Variants in KCTD16 observed in about 807,000 individuals in gnomAD.
The protein encoded by KCTD16 is BTB/POZ domain-containing protein KCTD16.
A neutral mutation model predicts 33.2 loss-of-function variants in KCTD16; 13 were observed. The ratio of observed to expected loss-of-function variants is 0.39; its 90% CI spans 0.25 to 0.62. The LOEUF is 0.62. Ranked by LOEUF, KCTD16 falls within the 20% of genes least tolerant of loss-of-function variation. The probability of loss-of-function intolerance (pLI) is 0.50; values close to 1 mark genes in which losing one functional copy is unlikely to be tolerated. For missense variants in KCTD16, 441 were observed against 525.1 expected, an observed-to-expected ratio of 0.84 and a Z score of 1.57; for synonymous variants, 197 against 195.3, an observed-to-expected ratio of 1.01 and a Z score of -0.07.
intron 3 of KCTD16, among the ~76,000 whole-genome samples, chr5:144,262,301 C>T (rs891118264): frequency 1.1e-4 from 17 of 152,174 alleles, no homozygotes; most frequent in Non-Finnish European, 2.2e-4. Context: ...TGGCCAAAGC[C>T]TCATGCACCA....
chr5:144,240,121 C>A (rs1754361014), intron 3 of KCTD16, among the ~76,000 whole-genome samples: 1 of 152,134 alleles, frequency 6.6e-6, no homozygotes, highest in Admixed American at 6.6e-5. Flanking sequence ...AATGTAACAT[C>A]AGACACGTAG....
chr5:144,268,245 A>C lies in KCTD16; in HGVS notation c.832+60699A>C, dbSNP rs575608835. On this transcript the variant is annotated intron_variant, in intron 3 of 3. Transcript: ENST00000512467. Reference sequence around the variant, plus strand: ...AAAATACTCTATCCTCCAAATGTAGATCAGTGCTATGATTGCTGATTCCTG... The same window carrying C: ...AAAATACTCTATCCTCCAAATGTAGCTCAGTGCTATGATTGCTGATTCCTG... Among the ~76,000 whole-genome samples the C allele has an allele frequency of 1.4e-3, 208 of 152,284 alleles. 1 individual carries two copies. Among genetic ancestry groups the C allele is most frequent in the Non-Finnish European group, 2.5e-3 (170 of 68,010 alleles).
chr5:144,267,734 T>C (rs906536154), intron 3 of KCTD16, among the ~76,000 whole-genome samples: 1 of 152,210 alleles, frequency 6.6e-6, no homozygotes, highest in African/African-American at 2.4e-5. Flanking sequence ...GGTACCATTC[T>C]TTCCCTGCAA....
intron 3 of KCTD16, among the ~76,000 whole-genome samples, chr5:144,350,227 T>G (rs996185116): frequency 6.6e-6 from 1 of 152,144 alleles, no homozygotes; most frequent in African/African-American, 2.4e-5. Context: ...TTACCCTACA[T>G]TCTCATGGTA....
At chr5:144,428,775 C>T (rs1317989457) in intron 3 of KCTD16, among the ~76,000 whole-genome samples, 5 of 152,178 alleles carry the variant, frequency 3.3e-5, no homozygotes, top group Admixed American at 3.3e-4. Flanking sequence ...TGAAGAAACA[C>T]ACCAGTGACA....
intron 3 of KCTD16, among the ~76,000 whole-genome samples, chr5:144,446,035 T>C (rs1450759856): frequency 6.6e-6 from 1 of 151,900 alleles, no homozygotes; most frequent in Non-Finnish European, 1.5e-5. Context: ...TTTTCTTCTT[T>C]CTATACAGAT....
intron 2 of KCTD16, among the ~76,000 whole-genome samples, chr5:144,185,473 C>CAA (rs923966506): frequency 4.8e-4 from 73 of 152,180 alleles, no homozygotes; most frequent in African/African-American, 1.6e-3. Flanking sequence ...AAAATGTTCC[C>CAA]AAATCACATC....
At chr5:144,195,855 G>A (rs1752929933) in intron 2 of KCTD16, among the ~76,000 whole-genome samples, 1 of 152,136 alleles carries the variant, frequency 6.6e-6, no homozygotes, top group South Asian at 2.1e-4. Context: ...GTTTCTTAGA[G>A]TTTCAAAAAA....
At chr5:144,331,902 A>G (rs1752372161) in intron 3 of KCTD16, among the ~76,000 whole-genome samples, 1 of 152,194 alleles carries the variant, frequency 6.6e-6, no homozygotes, top group Non-Finnish European at 1.5e-5. Context: ...AAGCTCCTTT[A>G]TGCTATTTAG....
chr5:144,229,518 C>A (rs1303847038), intron 3 of KCTD16, among the ~76,000 whole-genome samples: 2 of 152,136 alleles, frequency 1.3e-5, no homozygotes, highest in Non-Finnish European at 2.9e-5. Context: ...ACTCAAAGAT[C>A]ACCTATGTGG....
chr5:144,352,364 G>A (rs376800001), intron 3 of KCTD16, among the ~76,000 whole-genome samples: 15 of 152,224 alleles, frequency 9.9e-5, no homozygotes, highest in Admixed American at 2.6e-4. Context: ...TATTGAATAC[G>A]AAGTGGGGAT....
intron 3 of KCTD16, among the ~76,000 whole-genome samples, chr5:144,361,094 C>T (rs188282910): frequency 6.9e-6 from 1 of 143,886 alleles, no homozygotes; most frequent in African/African-American, 2.6e-5. Context: ...GTGATGTTCC[C>T]CTTCCTGTGT....
intron 3 of KCTD16, among the ~76,000 whole-genome samples, chr5:144,433,563 C>T (rs1753513830): frequency 6.6e-6 from 1 of 152,054 alleles, no homozygotes; most frequent in African/African-American, 2.4e-5. Context: ...GCAGGCAGGC[C>T]AAATGAAGTT....
chr5:144,439,670 A>G (rs1251983077), intron 3 of KCTD16, among the ~76,000 whole-genome samples: 1 of 152,174 alleles, frequency 6.6e-6, no homozygotes, highest in Non-Finnish European at 1.5e-5. Context: ...GCCCAGAGAG[A>G]TGAGTGCTCT....
intron 3 of KCTD16, among the ~76,000 whole-genome samples, chr5:144,295,557 C>T (rs1259402773): frequency 6.6e-6 from 1 of 152,104 alleles, no homozygotes; most frequent in Admixed American, 6.6e-5. Context: ...CACCTCTGTA[C>T]CTGTCAGTCA....
chr5:144,181,070 C>CT (rs1480263786), intron 2 of KCTD16, among the ~76,000 whole-genome samples: 1 of 151,886 alleles, frequency 6.6e-6, no homozygotes, highest in African/African-American at 2.4e-5. Flanking sequence ...GTAGCTGGGA[C>CT]TACAGGCGCC....
chr5:144,441,700 CCA>C (rs1251037232), intron 3 of KCTD16, among the ~76,000 whole-genome samples: 1 of 151,068 alleles, frequency 6.6e-6, no homozygotes, highest in Non-Finnish European at 1.5e-5. Flanking sequence ...TTATGTAGTA[CCA>C]CACTGTCTTG....
chr5:144,307,040 A>G (rs1029770493), intron 3 of KCTD16, among the ~76,000 whole-genome samples: 1 of 152,076 alleles, frequency 6.6e-6, no homozygotes, highest in East Asian at 1.9e-4. Context: ...TGGTTACCCA[A>G]AGGTTTCTGA....
At chr5:144,324,130 C>T (rs1379488184) in intron 3 of KCTD16, among the ~76,000 whole-genome samples, 1 of 152,138 alleles carries the variant, frequency 6.6e-6, no homozygotes, top group African/African-American at 2.4e-5. Context: ...AAAAAGGTCA[C>T]AGGAAACACA....
Sources: allele counts gnomAD v4.1 joint callset (sites outside exome capture counted in the v4.1 genomes callset), GRCh38; gene constraint gnomAD v4.1.1; transcripts MANE v1.5; gene names NCBI Gene and HGNC (gene_info 2026-07-23, HGNC 2026-07-21).